RTN1: variants seen among roughly 807,000 people sequenced by gnomAD.
RTN1 encodes reticulon 1.
In RTN1, 25 loss-of-function variants were observed where a neutral mutation model predicts 65.5. The observed-to-expected ratio is 0.38, with a 90% CI of 0.28 to 0.53. The LOEUF is 0.53. RTN1 is among the 20% of genes least tolerant of loss of function. RTN1 has a pLI of 0.79. For missense variants in RTN1, 983 were observed against 1,025.4 expected, an observed-to-expected ratio of 0.96 and a Z score of 0.57; for synonymous variants, 471 against 447.6, an observed-to-expected ratio of 1.05 and a Z score of -0.66.
intron 1 of RTN1, among the ~76,000 whole-genome samples, chr14:59,869,581 G>GC (rs949941974): frequency 1.9e-4 from 11 of 57,550 alleles, no homozygotes; most frequent in Non-Finnish European, 2.8e-4. Flanking sequence ...TTCCGGGGTG[G>GC]GGGGGGGGGG....
intron 3 of RTN1, among the ~76,000 whole-genome samples, chr14:59,614,793 C>T (rs555289543): frequency 2.0e-5 from 3 of 152,324 alleles, no homozygotes; most frequent in African/African-American, 7.2e-5. Context: ...TCCTAGGCTC[C>T]ACCCTTAGTA....
intron 3 of RTN1, among the ~76,000 whole-genome samples, chr14:59,689,651 T>C (rs1883916934): frequency 6.6e-6 from 1 of 152,184 alleles, no homozygotes; most frequent in African/African-American, 2.4e-5. Context: ...GGGAGCCTAT[T>C]TTTAGCATTC....
intron 3 of RTN1, 47 bp downstream of exon 3, chr14:59,726,872 C>G: frequency 6.5e-7 from 1 of 1,530,112 alleles, no homozygotes; most frequent in Non-Finnish European, 8.9e-7. Context: ...GCTCAGAGCA[C>G]CCAGAGGGAG....
chr14:59,620,236 A>T (rs905888283), intron 3 of RTN1, among the ~76,000 whole-genome samples: 2 of 152,172 alleles, frequency 1.3e-5, no homozygotes, highest in African/African-American at 4.8e-5. Context: ...GAAATAACCT[A>T]AAGTGGTAAA....
chr14:59,706,100 G>A lies in RTN1; in HGVS notation c.1765+20819C>T, dbSNP rs150910560. Among the ~76,000 whole-genome samples the A allele has an allele frequency of 2.6e-5, 4 of 152,346 alleles. No homozygotes were observed. In the East Asian group the frequency reaches 7.7e-4, roughly 29 times the overall value. On this transcript the variant is annotated intron_variant, in intron 3 of 8. Transcript: ENST00000267484. ...ATTAACTCATAAAGCAGGAGAGGAA[G>A]TCTCCATGCTCATGACACCACACCC...
At chr14:59,705,792 C>T (rs1184241544) in intron 3 of RTN1, among the ~76,000 whole-genome samples, 1 of 152,160 alleles carries the variant, frequency 6.6e-6, no homozygotes, top group Non-Finnish European at 1.5e-5. Flanking sequence ...TGCAGGCAAG[C>T]ACTGTGTCTT....
At chr14:59,823,619 A>T (rs551773156) in intron 1 of RTN1, among the ~76,000 whole-genome samples, 3 of 152,240 alleles carry the variant, frequency 2.0e-5, no homozygotes, top group Non-Finnish European at 4.4e-5. Flanking sequence ...TCCGGCTTAC[A>T]AAGTTTCTCC....
intron 3 of RTN1, among the ~76,000 whole-genome samples, chr14:59,720,262 A>AC (rs397935502): frequency 6.6e-6 from 1 of 151,508 alleles, no homozygotes; most frequent in Non-Finnish European, 1.5e-5. Context: ...TAAAAAAAAA[A>AC]CATAGATCGA....
intron 1 of RTN1, among the ~76,000 whole-genome samples, chr14:59,840,007 A>G (rs1256239024): frequency 1.3e-5 from 2 of 151,996 alleles, no homozygotes; most frequent in Non-Finnish European, 2.9e-5. Context: ...CCTTGTCCCA[A>G]ACTTTTCCAG....
chr14:59,683,120 A>G (rs905830647), intron 3 of RTN1, among the ~76,000 whole-genome samples: 13 of 152,022 alleles, frequency 8.6e-5, no homozygotes, highest in Admixed American at 2.6e-4. Context: ...TCCAGACTCA[A>G]CCTCATGTTC....
chr14:59,712,767 T>C (rs1267070558), intron 3 of RTN1, among the ~76,000 whole-genome samples: 1 of 151,808 alleles, frequency 6.6e-6, no homozygotes, highest in East Asian at 1.9e-4. Context: ...CAAAATTAGC[T>C]GGGTGTGGTG....
intron 2 of RTN1, among the ~76,000 whole-genome samples, chr14:59,739,475 A>C (rs1885071302): frequency 6.7e-6 from 1 of 148,912 alleles, no homozygotes; most frequent in African/African-American, 2.5e-5. Flanking sequence ...CGGGAGGCTG[A>C]GGTTGCAGTG....
chr14:59,633,701 G>T (rs1159247725), intron 3 of RTN1, among the ~76,000 whole-genome samples: 4 of 152,226 alleles, frequency 2.6e-5, no homozygotes, highest in African/African-American at 9.6e-5. Flanking sequence ...TCTGCAGCCA[G>T]CTTAGAACTT....
intron 1 of RTN1, among the ~76,000 whole-genome samples, chr14:59,806,911 A>G (rs1483280251): frequency 6.6e-6 from 1 of 152,220 alleles, no homozygotes; most frequent in Non-Finnish European, 1.5e-5. Context: ...TATTGCAAAT[A>G]GTAAAACAAC....
intron 4 of RTN1, 142 bp downstream of exon 4, chr14:59,607,143 C>A: frequency 1.5e-6 from 1 of 650,744 alleles, no homozygotes; most frequent in Non-Finnish European, 2.6e-6. Flanking sequence ...GTTAGATATT[C>A]AAAGACAGGG....
chr14:59,632,076 G>A (rs1882568193), intron 3 of RTN1, among the ~76,000 whole-genome samples: 1 of 152,190 alleles, frequency 6.6e-6, no homozygotes, highest in South Asian at 2.1e-4. Context: ...TTTAAAATAC[G>A]ATCTTTGGGA....
At chr14:59,731,111 C>T (rs1013350063) in intron 2 of RTN1, among the ~76,000 whole-genome samples, 3 of 152,070 alleles carry the variant, frequency 2.0e-5, no homozygotes, top group Non-Finnish European at 2.9e-5. Flanking sequence ...ATCTAATATC[C>T]ATCAACTGAT....
intron 3 of RTN1, among the ~76,000 whole-genome samples, chr14:59,652,197 T>C (rs925479860): frequency 1.1e-4 from 16 of 152,082 alleles, no homozygotes; most frequent in African/African-American, 3.9e-4. Flanking sequence ...GCTGGTGAGG[T>C]TGCAGAGAAA....
In RTN1 at chr14:59,790,683, T is replaced by C. The variant is rs1410581933; in HGVS notation, c.242-44202A>G. Among the ~76,000 whole-genome samples the C allele has an allele frequency of 6.6e-6, 1 of 152,192 alleles. No individual in the cohort carries two copies. The highest frequency in any genetic ancestry group is 1.5e-5 in the Non-Finnish European group (1 of 68,022). On this transcript the variant is annotated intron_variant, in intron 1 of 8. Coordinates refer to ENST00000267484, the MANE Select transcript of RTN1 (RefSeq NM_021136.3). This position sits in a 1 kb window ranked among gnomAD's most constrained non-coding sequence, Gnocchi z 4.1. ...TTACTCTTTTGATGTGTAAAATCAGTTACTTCAAGACTTTTTTTGCAAGTT... is the reference window on the plus strand; with the variant it reads ...TTACTCTTTTGATGTGTAAAATCAGCTACTTCAAGACTTTTTTTGCAAGTT...
Sources: gnomAD v4.1 joint callset for allele counts (sites outside exome capture counted in the v4.1 genomes callset) on GRCh38, gnomAD v4.1.1 for gene constraint, Gnocchi (gnomAD v3.1) non-coding constraint, MANE v1.5 for transcripts, NCBI Gene and HGNC (gene_info 2026-07-23, HGNC 2026-07-21) for gene names.